CAVIN3: variants seen among roughly 807,000 people sequenced by gnomAD.
CAVIN3 encodes caveolae-associated protein 3.
In CAVIN3, 11 loss-of-function variants were observed where a neutral mutation model predicts 8.2. The ratio of observed to expected loss-of-function variants is 1.35; its 90% CI spans 0.85 to 2.23. The LOEUF (loss-of-function observed/expected upper bound fraction) is 2.23. Among genes scored for constraint, CAVIN3 ranks in the 30% most tolerant of loss-of-function variants. The pLI is 0.00. For missense variants in CAVIN3, 401 were observed against 359.5 expected (o/e 1.12, Z -0.93); for synonymous variants, 191 against 166.3 (o/e 1.15, Z -1.14).
rs768813669 is a variant in CAVIN3 at position 6,320,289 on chromosome 11, C to T, written c.188G>A (p.Gly63Asp). The change falls in exon 1 of 2, where the codon GGC becomes GAC. Residue 63 changes from glycine (G) to aspartate (D), a missense_variant. By Grantham distance (94) the Gly-to-Asp change is moderately conservative. Transcript: ENST00000303927. ...LAGSVRRIQSGLGALSRSHDT... is the reference protein window; with the variant it reads ...LAGSVRRIQSDLGALSRSHDT... ...GTGGCTGCGACTCAGAGCGCCCAGG[C>T]CGCTCTGGATGCGGCGCACGGACCC... The T allele has an allele frequency of 2.6e-6, 4 of 1,566,090 alleles. No individual in the cohort carries two copies. Among genetic ancestry groups the T allele is most frequent in the East Asian group, 2.3e-5 (1 of 42,604 alleles).
At position 6,320,108 on chromosome 11, in the gene CAVIN3, G is replaced by T. The variant is rs376167003; in HGVS notation, c.369C>A (p.His123Gln). 6 of 1,590,300 alleles carry T rather than the reference G, an allele frequency of 3.8e-6. No individual in the cohort carries two copies. The highest frequency in any genetic ancestry group is 4.2e-6 in the Non-Finnish European group (5 of 1,176,556). ...HGLLVARGKLHVLLFKEEGEV... is the reference protein window; with the variant it reads ...HGLLVARGKLQVLLFKEEGEV... Reference sequence around the variant, plus strand: ...GGTCACTGACCTTGAAGAGCAGAACGTGGAGCTTCCCGCGCGCCACCAGCA... The same window carrying T: ...GGTCACTGACCTTGAAGAGCAGAACTTGGAGCTTCCCGCGCGCCACCAGCA... The change falls in exon 1 of 2, where the codon CAC becomes CAA. Residue 123 changes from histidine (H) to glutamine (Q), a missense_variant. Physicochemically the swap from His to Gln is conservative, Grantham distance 24. Transcript: ENST00000303927.
intron 1 of CAVIN3, 23 bp from the exon 2 acceptor site, chr11:6,319,587 T>G: frequency 1.9e-6 from 3 of 1,553,568 alleles, no homozygotes; most frequent in Middle Eastern, 1.7e-4. Flanking sequence ...GACACAGCAC[T>G]GATCCTGGCA....
Position 6,320,422 on chromosome 11 carries a change from G to T in CAVIN3, c.55C>A (p.Pro19Thr), listed in dbSNP as rs763685573. The change falls in exon 1 of 2, where the codon CCC becomes ACC. Residue 19 changes from proline (P) to threonine (T), a missense_variant. Coordinates refer to ENST00000303927, the MANE Select transcript of CAVIN3 (RefSeq NM_145040.3). Reference protein sequence around the residue: ...GPVPEAPAGGPVHAVTVVTLL... With the variant: ...GPVPEAPAGGTVHAVTVVTLL... Reference sequence around the variant, plus strand: ...GTCACCACCGTCACGGCGTGCACGGGACCCCCCGCCGGCGCCTCGGGCACA... The same window carrying T: ...GTCACCACCGTCACGGCGTGCACGGTACCCCCCGCCGGCGCCTCGGGCACA... 1.3e-6 allele frequency: 2 copies of T among 1,556,326 alleles called. No homozygotes were observed. The highest frequency in any genetic ancestry group is 8.6e-7 in the Non-Finnish European group (1 of 1,158,610).
intron 1 of CAVIN3, 143 bp from the exon 2 acceptor site, chr11:6,319,707 G>A (rs1373995733): frequency 9.3e-7 from 1 of 1,074,910 alleles, no homozygotes; most frequent in Non-Finnish European, 1.4e-6. Context: ...GGTAAGGGGA[G>A]GGAAAGCTGC....
rs1212406404 is a variant in CAVIN3 at position 6,320,461 on chromosome 11, A to T, written c.16T>A (p.Leu6Met). 6 of 1,525,020 alleles carry T rather than the reference A, an allele frequency of 3.9e-6. No individual in the cohort carries two copies. Among genetic ancestry groups the T allele is most frequent in the Non-Finnish European group, 5.2e-6 (6 of 1,143,308 alleles). The allele number at this position is 1,525,020 out of a possible 1,614,324, so 94.5% of individuals were successfully genotyped here. The change falls in exon 1 of 2, where the codon TTG becomes ATG. Residue 6 changes from leucine to methionine, a missense_variant. Transcript: ENST00000303927. ...GCCTCGGGCACAGGCCCCCGCTCCAACGCACTCTCCCTCATGATCCCTGAC... is the reference window on the plus strand; with the variant it reads ...GCCTCGGGCACAGGCCCCCGCTCCATCGCACTCTCCCTCATGATCCCTGAC... MRESA[L>M]ERGPVPEAPA...
Position 6,319,475 on chromosome 11 carries a change from C to G in CAVIN3, c.474G>C (p.Leu158=). 1.2e-6 allele frequency: 2 copies of G among 1,608,996 alleles called. No homozygotes were observed. Among genetic ancestry groups the G allele is most frequent in the South Asian group, 2.2e-5 (2 of 90,736 alleles). The stretch of plus-strand genomic sequence containing the variant: ...CCGAGCTCTCTCCAACTTCGGCCTC[C>G]AGCTGCTCTGGGCCCAGCTCGGACT... The part of the protein sequence containing the change: ...ADQSELGPEQ[L]EAEVGESSDE... Residue 158 remains leucine, a synonymous_variant, in exon 2 of 2, where the codon CTG becomes CTC. Coordinates refer to ENST00000303927, the MANE Select transcript of CAVIN3 (RefSeq NM_145040.3).
At position 6,320,377 on chromosome 11, in the gene CAVIN3, A is replaced by AG. The variant is rs763006494; in HGVS notation, c.99dup (p.Ser34LeufsTer99). On this transcript the variant is annotated frameshift_variant, in exon 1 of 2. Coordinates refer to ENST00000303927, the MANE Select transcript of CAVIN3 (RefSeq NM_145040.3). LOFTEE classifies it high-confidence loss of function. ...CGCTCCCGCAGAGTCTCCAGCATGGAGGCCAGCTTCTCCAGCAGGGTCACC... is the reference window on the plus strand; with the variant it reads ...CGCTCCCGCAGAGTCTCCAGCATGGAGGGCCAGCTTCTCCAGCAGGGTCACC... 6.3e-7 allele frequency: 1 copy of AG among 1,586,194 alleles called. No homozygotes were observed. The highest frequency in any genetic ancestry group is 8.5e-7 in the Non-Finnish European group (1 of 1,173,602).
At position 6,319,432 on chromosome 11, in the gene CAVIN3, ACTCCACCGGCTCCTCGTCCGAG is replaced by A. The variant is rs1219730177; in HGVS notation, c.495_516del (p.Ser166ProfsTer88). ...GTGCGCCGCAGCCGCTGGGCCCTGG[ACTCCACCGGCTCCTCGTCCGAG>A]CTCTCTCCAACTTCGGCCTCCAGCT... On this transcript the variant is annotated frameshift_variant, in exon 2 of 2. Coordinates refer to ENST00000303927, the MANE Select transcript of CAVIN3 (RefSeq NM_145040.3). LOFTEE classifies it high-confidence loss of function. 6.2e-7 allele frequency: 1 copy of A among 1,611,302 alleles called. No homozygotes were observed. Among genetic ancestry groups the A allele is most frequent in the Non-Finnish European group, 8.5e-7 (1 of 1,179,696 alleles).
At chr11:6,319,699 T>C (rs1005127523) in intron 1 of CAVIN3, 135 bp from the exon 2 acceptor site, 2 of 1,155,800 alleles carry the variant, frequency 1.7e-6, no homozygotes, top group African/African-American at 3.1e-5. Context: ...CGTGGGAAGG[T>C]AAGGGGAGGG....
intron 1 of CAVIN3, 172 bp from the exon 2 acceptor site, chr11:6,319,736 T>C (rs1243041621): frequency 1.2e-6 from 1 of 841,342 alleles, no homozygotes; most frequent in East Asian, 2.6e-5. Context: ...TGCAAAACGC[T>C]GTAAAGTAGG....
At position 6,319,442 on chromosome 11, in the gene CAVIN3, C is replaced by CTCCTCG; in HGVS notation, c.501_506dup (p.Asp167_Glu168dup). On this transcript the variant is annotated inframe_insertion, in exon 2 of 2. Transcript: ENST00000303927. The stretch of plus-strand genomic sequence containing the variant: ...GCCGCTGGGCCCTGGACTCCACCGG[C>CTCCTCG]TCCTCGTCCGAGCTCTCTCCAACTT... 6.2e-7 allele frequency: 1 copy of CTCCTCG among 1,611,324 alleles called. No individual in the cohort carries two copies. The highest frequency in any genetic ancestry group is 8.5e-7 in the Non-Finnish European group (1 of 1,179,652).
rs142689379 is a variant in CAVIN3 at position 6,320,114 on chromosome 11, C to T, written c.363G>A (p.Lys121=). 419 of 1,589,812 alleles carry T rather than the reference C, an allele frequency of 2.6e-4. 1 individual carries two copies. The highest frequency in any genetic ancestry group is 1.5e-3 in the Middle Eastern group (9 of 5,976). Residue 121 remains lysine, a synonymous_variant, in exon 1 of 2, where the codon AAG becomes AAA. Transcript: ENST00000303927. ...TGACCTTGAAGAGCAGAACGTGGAG[C>T]TTCCCGCGCGCCACCAGCAGCCCGT... ...ANHGLLVARG[K]LHVLLFKEEG...
chr11:6,319,604 T>C, intron 1 of CAVIN3, 40 bp from the exon 2 acceptor site: 2 of 1,542,824 alleles, frequency 1.3e-6, no homozygotes, highest in Non-Finnish European at 8.7e-7. Flanking sequence ...GGCAGCTCCT[T>C]ACCCCCAGCA....
In CAVIN3 at chr11:6,320,383, G is replaced by A; in HGVS notation, c.94C>T (p.Leu32=). The A allele has an allele frequency of 6.3e-7, 1 of 1,586,034 alleles. No homozygotes were observed. The highest frequency in any genetic ancestry group is 8.5e-7 in the Non-Finnish European group (1 of 1,173,644). ...CGCAGAGTCTCCAGCATGGAGGCCA[G>A]CTTCTCCAGCAGGGTCACCACCGTC... ...AVTVVTLLEK[L]ASMLETLRER... The change falls in exon 1 of 2, where the codon CTG becomes TTG. Residue 32 remains leucine, a synonymous_variant. Transcript: ENST00000303927.
Position 6,319,105 on chromosome 11 carries a change from T to A in CAVIN3, c.*58A>T. On this transcript the variant is annotated 3_prime_UTR_variant, in exon 2 of 2. Transcript: ENST00000303927. ...TTATTAGGGCGTGAGTGCTACATTC[T>A]GAAAGGATTTATTTTGGGACAAGGC... 1 of 1,493,862 alleles carries A rather than the reference T, an allele frequency of 6.7e-7. No individual in the cohort carries two copies. Among genetic ancestry groups the A allele is most frequent in the Non-Finnish European group, 8.9e-7 (1 of 1,119,264 alleles). 92.5% of individuals were successfully genotyped at this position (1,493,862 alleles called of 1,614,324 possible).
Position 6,319,287 on chromosome 11 carries a change from TGGGCTTCA to T in CAVIN3, c.654_661del (p.Glu219AlafsTer68). 6.2e-7 allele frequency: 1 copy of T among 1,609,644 alleles called. No homozygotes were observed. The highest frequency in any genetic ancestry group is 8.5e-7 in the Non-Finnish European group (1 of 1,177,894). On this transcript the variant is annotated frameshift_variant, in exon 2 of 2. Transcript: ENST00000303927. LOFTEE classifies it low-confidence loss of function (END_TRUNC). ...CTCCAGCGCAGGCTGGGCTTCCGGC[TGGGCTTCA>T]GCGCTCCGGCCAGGCCCAAGGCGAG...
In CAVIN3 at chr11:6,319,318, G is replaced by T. The variant is rs1339201600; in HGVS notation, c.631C>A (p.Arg211Ser). Residue 211 changes from arginine (R) to serine (S), a missense_variant, in exon 2 of 2, where the codon CGC (arginine) becomes AGC (serine). Transcript: ENST00000303927. ...TCAGCGCTCCGGCCAGGCCCAAGGC[G>T]AGGCGGCTTGACCGGGGTGGGCGGT... is the stretch of plus-strand genomic sequence containing the variant. ...APPPTPVKPPRLGPGRSAEAQ... is the reference protein window; with the variant it reads ...APPPTPVKPPSLGPGRSAEAQ... 8 of 1,604,954 alleles carry T rather than the reference G, an allele frequency of 5.0e-6. No homozygotes were observed. Among genetic ancestry groups the T allele is most frequent in the Non-Finnish European group, 6.0e-6 (7 of 1,176,172 alleles).
In CAVIN3 at chr11:6,320,498, G is replaced by A. The variant is rs1300614444; in HGVS notation, c.-22C>T. 1.4e-6 allele frequency: 2 copies of A among 1,475,196 alleles called. No homozygotes were observed. Among genetic ancestry groups the A allele is most frequent in the Non-Finnish European group, 8.9e-7 (1 of 1,121,378 alleles). The allele number at this position is 1,475,196 out of a possible 1,614,324, so 91.4% of individuals were successfully genotyped here. ...TCATGATCCCTGACCGCTCTGCTCC[G>A]TCTGCCTGCAACTGCTGGCCGCACT... On this transcript the variant is annotated 5_prime_UTR_variant, in exon 1 of 2. In the 5' UTR this introduces an upstream ATG that the reference lacks. Coordinates refer to ENST00000303927, the MANE Select transcript of CAVIN3 (RefSeq NM_145040.3).
chr11:6,319,728 C>A, intron 1 of CAVIN3, 164 bp from the exon 2 acceptor site: 1 of 879,848 alleles, frequency 1.1e-6, no homozygotes, highest in Non-Finnish European at 1.8e-6. Context: ...GTGCGAACTG[C>A]AAAACGCTGT....
Sources: gnomAD v4.1 joint callset for allele counts on GRCh38, gnomAD v4.1.1 for gene constraint, MANE v1.5 for transcripts, NCBI Gene and HGNC (gene_info 2026-07-23, HGNC 2026-07-21) for gene names.